GALNTL6: variants seen among roughly 807,000 people sequenced by gnomAD.
The protein encoded by GALNTL6 is polypeptide N-acetylgalactosaminyltransferase like 6, also known as polypeptide N-acetylgalactosaminyltransferase-like 6.
GALNTL6 carries 46 observed loss-of-function variants against 73.7 expected under a neutral mutation model. That is an observed-to-expected ratio of 0.62 (90% CI 0.49 to 0.80). GALNTL6 has a LOEUF of 0.80. GALNTL6 is among the 30% of genes least tolerant of loss of function. The pLI is 0.00. For missense variants in GALNTL6, 604 were observed against 755.0 expected (o/e 0.80, Z 2.34); for synonymous variants, 259 against 263.7 (o/e 0.98, Z 0.17).
At chr4:172,118,901 A>G (rs1249205779) in intron 2 of GALNTL6, among the ~76,000 whole-genome samples, 1 of 151,948 alleles carries the variant, frequency 6.6e-6, no homozygotes, top group Admixed American at 6.6e-5. Flanking sequence ...GCTTTTTTCC[A>G]GACTTTTAGA....
intron 4 of GALNTL6, among the ~76,000 whole-genome samples, chr4:172,345,094 G>GTTT (rs34057253): frequency 2.1e-5 from 3 of 141,652 alleles, no homozygotes; most frequent in African/African-American, 5.1e-5. Flanking sequence ...AAGAGGTATT[G>GTTT]TTTTTTTTTT....
At chr4:172,410,522 T>C (rs1392805156) in intron 5 of GALNTL6, among the ~76,000 whole-genome samples, 1 of 152,058 alleles carries the variant, frequency 6.6e-6, no homozygotes, top group Non-Finnish European at 1.5e-5. Context: ...CCACCAGTTT[T>C]ATATAGGAAA....
intron 5 of GALNTL6, among the ~76,000 whole-genome samples, chr4:172,704,605 C>T (rs1734215329): frequency 6.6e-6 from 1 of 151,816 alleles, no homozygotes; most frequent in Non-Finnish European, 1.5e-5. Context: ...TATTTTTTGG[C>T]TTAACACGTG....
chr4:171,855,007 T>A (rs1735647806), intron 2 of GALNTL6, among the ~76,000 whole-genome samples: 1 of 152,108 alleles, frequency 6.6e-6, no homozygotes, highest in Non-Finnish European at 1.5e-5. Flanking sequence ...CCCCTCACTT[T>A]TTTCCTTGAG....
At chr4:172,482,985 C>T (rs12507059) in intron 5 of GALNTL6, among the ~76,000 whole-genome samples, 64,065 of 150,538 alleles carry the variant, frequency 0.43, 16,304 homozygotes, top group South Asian at 0.68. Flanking sequence ...AGTACAATTT[C>T]GTAGGATTAA....
chr4:172,824,327 A>G (rs983866192), intron 7 of GALNTL6, among the ~76,000 whole-genome samples: 2 of 151,768 alleles, frequency 1.3e-5, no homozygotes, highest in Admixed American at 1.3e-4. Flanking sequence ...GTTGGCCACA[A>G]GGGCTTTCAG....
At chr4:172,405,425 ATATATATATATATATATATTTTTTTTTT>A (rs1257958830) in intron 5 of GALNTL6, among the ~76,000 whole-genome samples, 16 of 114,198 alleles carry the variant, frequency 1.4e-4, no homozygotes, top group African/African-American at 6.2e-4. Flanking sequence ...ATATATATAT[ATATATATATATATATATATTTTTTTTTT>A]TTTTTTTTTT....
chr4:172,274,493 G>C (rs1424601969), intron 3 of GALNTL6, among the ~76,000 whole-genome samples: 2 of 152,136 alleles, frequency 1.3e-5, no homozygotes, highest in Non-Finnish European at 2.9e-5. Flanking sequence ...CATTATCTGA[G>C]TATACGTTAG....
chr4:173,029,504 G>T (rs1288133480), intron 12 of GALNTL6, among the ~76,000 whole-genome samples: 27 of 152,164 alleles, frequency 1.8e-4, no homozygotes. Context: ...ACACAATATT[G>T]TAAGAATGTT....
chr4:172,103,484 A>G (rs1732581359), intron 2 of GALNTL6, among the ~76,000 whole-genome samples: 1 of 152,176 alleles, frequency 6.6e-6, no homozygotes, highest in South Asian at 2.1e-4. Context: ...AGGGATGTAC[A>G]GTCACTCCTT....
chr4:171,842,325 G>A (rs1735257535), intron 2 of GALNTL6, among the ~76,000 whole-genome samples: 1 of 151,848 alleles, frequency 6.6e-6, no homozygotes, highest in Admixed American at 6.6e-5. Flanking sequence ...TTTATTTTCT[G>A]AAATGCAATC....
At chr4:172,723,303 A>T (rs150826404) in intron 5 of GALNTL6, among the ~76,000 whole-genome samples, 1 of 152,330 alleles carries the variant, frequency 6.6e-6, no homozygotes, top group South Asian at 2.1e-4. Context: ...TACTAACCAC[A>T]GTATGATATA....
intron 5 of GALNTL6, among the ~76,000 whole-genome samples, chr4:172,486,282 T>C (rs901606600): frequency 2.0e-5 from 3 of 152,094 alleles, no homozygotes; most frequent in Non-Finnish European, 2.9e-5. Flanking sequence ...TTGAAGAAGA[T>C]AGAAAGTGTC....
At chr4:172,481,435 G>A (rs1460804953) in intron 5 of GALNTL6, among the ~76,000 whole-genome samples, 2 of 152,082 alleles carry the variant, frequency 1.3e-5, no homozygotes, top group African/African-American at 2.4e-5. Flanking sequence ...TTGTCTCTGT[G>A]GGCTTGGGCA....
intron 5 of GALNTL6, among the ~76,000 whole-genome samples, chr4:172,371,282 G>A (rs940530918): frequency 6.6e-6 from 1 of 152,158 alleles, no homozygotes; most frequent in Non-Finnish European, 1.5e-5. Context: ...ACTTCCTATG[G>A]TAATTAATTA....
intron 2 of GALNTL6, among the ~76,000 whole-genome samples, chr4:171,924,853 G>A (rs1175821531): frequency 2.0e-5 from 3 of 152,150 alleles, no homozygotes; most frequent in African/African-American, 7.2e-5. Context: ...CAACCAGTCA[G>A]GTTGCACCCA....
At chr4:172,033,121 G>C (rs1347951696) in intron 2 of GALNTL6, among the ~76,000 whole-genome samples, 1 of 151,584 alleles carries the variant, frequency 6.6e-6, no homozygotes, top group East Asian at 1.9e-4. Flanking sequence ...GGCTTATCTT[G>C]TCTCTTTTGG....
At chr4:172,165,654 A>T (rs2110803939) in intron 2 of GALNTL6, among the ~76,000 whole-genome samples, 1 of 152,338 alleles carries the variant, frequency 6.6e-6, no homozygotes, top group South Asian at 2.1e-4. Context: ...GCCTGAAAGT[A>T]TATCAAGGGT....
At position 172,069,452 on chromosome 4, in the gene GALNTL6, T is replaced by G. The variant is rs1170561677; in HGVS notation, c.139-160204T>G. 2.5e-5 allele frequency among the ~76,000 whole-genome samples: 2 copies of G among 79,956 alleles called. 1 individual carries two copies. Among genetic ancestry groups the G allele is most frequent in the East Asian group, 5.0e-4 (2 of 3,982 alleles). 52.5% of individuals were successfully genotyped at this position (79,956 alleles called of 152,430 possible). On this transcript the variant is annotated intron_variant, in intron 2 of 12. Transcript: ENST00000506823. ...ACACATATAACATATATATGTAATA[T>G]ATAACACACATATAACATATATGTT...
Sources: gnomAD v4.1 joint callset for allele counts (sites outside exome capture counted in the v4.1 genomes callset) on GRCh38, gnomAD v4.1.1 for gene constraint, MANE v1.5 for transcripts, NCBI Gene and HGNC (gene_info 2026-07-23, HGNC 2026-07-21) for gene names.